Variants in SEL1L2 observed in about 807,000 individuals in gnomAD.
SEL1L2 encodes protein sel-1 homolog 2.
In SEL1L2, 89 loss-of-function variants were observed where a neutral mutation model predicts 98.8. The ratio of observed to expected loss-of-function variants is 0.90; its 90% confidence interval spans 0.76 to 1.07. SEL1L2 has a LOEUF of 1.07. SEL1L2 is among the 50% of genes least tolerant of loss of function. The pLI is 0.00. For synonymous variants in SEL1L2, 262 were observed against 278.5 expected, an observed-to-expected ratio of 0.94 and a Z score of 0.59; for missense variants, 788 against 812.0, an observed-to-expected ratio of 0.97 and a Z score of 0.36.
At chr20:13,990,172 C>T (rs1041580471) in intron 1 of SEL1L2, among the ~76,000 whole-genome samples, 18 of 152,148 alleles carry the variant, frequency 1.2e-4, no homozygotes, top group Non-Finnish European at 2.6e-4. Context: ...TTTAATAACA[C>T]TTAACAACTT....
At chr20:13,973,427 TCC>T (rs1488858210) in intron 1 of SEL1L2, 9 of 152,220 alleles carry the variant, frequency 5.9e-5, no homozygotes, top group Admixed American at 3.3e-4. Flanking sequence ...AGTCCTAATG[TCC>T]TCGTGTTAGG....
At chr20:13,900,492 T>G (rs1384166170) in intron 5 of SEL1L2, among the ~76,000 whole-genome samples, 13 of 152,126 alleles carry the variant, frequency 8.5e-5, no homozygotes, top group Admixed American at 7.2e-4. Context: ...CTGGAGAAGC[T>G]CGGCCCCAGA....
intron 2 of SEL1L2, among the ~76,000 whole-genome samples, chr20:13,936,878 C>T (rs1444953599): frequency 6.6e-6 from 1 of 152,082 alleles, no homozygotes. Flanking sequence ...ATATTATTGC[C>T]CAACTCAAAC....
At chr20:13,886,193 G>C in intron 9 of SEL1L2, 95 bp downstream of exon 9, 1 of 842,632 alleles carries the variant, frequency 1.2e-6, no homozygotes, top group African/African-American at 1.7e-5. Context: ...TTCCTATTTA[G>C]GATGGGGCAT....
intron 1 of SEL1L2, among the ~76,000 whole-genome samples, chr20:13,977,490 A>T (rs1294078351): frequency 2.0e-5 from 3 of 152,084 alleles, no homozygotes; most frequent in Non-Finnish European, 4.4e-5. Context: ...TGATGGGGGG[A>T]TAGATCTTGG....
intron 17 of SEL1L2, among the ~76,000 whole-genome samples, chr20:13,863,698 G>A (rs192490649): frequency 4.0e-4 from 61 of 152,270 alleles, no homozygotes; most frequent in Admixed American, 6.5e-4. Flanking sequence ...CTGGGCGATG[G>A]TATAGGCTGA....
At chr20:13,871,327 G>T (rs572327792) in intron 12 of SEL1L2, among the ~76,000 whole-genome samples, 1 of 152,272 alleles carries the variant, frequency 6.6e-6, no homozygotes, top group East Asian at 1.9e-4. Flanking sequence ...CTAAGGAAGG[G>T]AGTATTTAGC....
At chr20:13,944,548 G>C (rs560325882) in intron 2 of SEL1L2, among the ~76,000 whole-genome samples, 1 of 152,266 alleles carries the variant, frequency 6.6e-6, no homozygotes, top group East Asian at 1.9e-4. Flanking sequence ...GAGATGTCAG[G>C]AAAGGAACAG....
upstream of SEL1L2, among the ~76,000 whole-genome samples, chr20:13,991,391 CA>C: frequency 6.6e-6 from 1 of 152,272 alleles, no homozygotes; most frequent in African/African-American, 2.4e-5. Flanking sequence ...TGGGTTAAAA[CA>C]ACAGGAATTT....
chr20:13,985,122 G>T (rs1458979527), intron 1 of SEL1L2, among the ~76,000 whole-genome samples: 1 of 151,808 alleles, frequency 6.6e-6, no homozygotes. Context: ...CTCACATCTA[G>T]TAGCTACTAT....
intron 5 of SEL1L2, among the ~76,000 whole-genome samples, chr20:13,902,641 T>C (rs1384266552): frequency 6.6e-6 from 1 of 152,220 alleles, no homozygotes; most frequent in Non-Finnish European, 1.5e-5. Context: ...TGTTTTAAGA[T>C]CATCTTGTAC....
chr20:13,877,442 AG>A, intron 11 of SEL1L2, 77 bp downstream of exon 11: 9 of 1,127,214 alleles, frequency 8.0e-6, no homozygotes, highest in Non-Finnish European at 1.2e-5. Flanking sequence ...CTGGGACAAC[AG>A]GCACACGCTG....
At chr20:13,908,803 A>G (rs537210133) in intron 5 of SEL1L2, among the ~76,000 whole-genome samples, 1 of 152,220 alleles carries the variant, frequency 6.6e-6, no homozygotes, top group African/African-American at 2.4e-5. Context: ...GATTTCCTTC[A>G]GTTTATTTGA....
intron 12 of SEL1L2, among the ~76,000 whole-genome samples, chr20:13,873,671 T>C (rs1313787137): frequency 1.3e-5 from 2 of 152,210 alleles, no homozygotes; most frequent in Non-Finnish European, 2.9e-5. Context: ...GTTTACTGAT[T>C]TTTAAAACAC....
Position 13,990,486 on chromosome 20 carries a change from T to C in SEL1L2, c.49A>G (p.Thr17Ala), listed in dbSNP as rs2052494780. The change falls in exon 1 of 20, where the codon ACA becomes GCA. Residue 17 changes from threonine to alanine, a missense_variant. Thr to Ala is a moderately conservative substitution (Grantham distance 58). Transcript: ENST00000284951. Reference sequence around the variant, plus strand: ...GGACAAAAAAACTTACTTTTAATTGTGACCCCAAGAATTATCAATATCTCT... The same window carrying C: ...GGACAAAAAAACTTACTTTTAATTGCGACCCCAAGAATTATCAATATCTCT... ...LIEILIILGV[T>A]IKTIKAEEHN... 6.2e-7 allele frequency: 1 copy of C among 1,611,710 alleles called. No individual in the cohort carries two copies. Among genetic ancestry groups the C allele is most frequent in the South Asian group, 1.1e-5 (1 of 90,932 alleles).
chr20:13,911,908 CA>C (rs939063017), intron 5 of SEL1L2, among the ~76,000 whole-genome samples: 2 of 152,154 alleles, frequency 1.3e-5, no homozygotes, highest in Non-Finnish European at 2.9e-5. Context: ...ACTCCTCCCA[CA>C]TATCTTTTCT....
Position 13,987,666 on chromosome 20 carries a change from G to T in SEL1L2, c.58+2811C>A, listed in dbSNP as rs116629562. Reference sequence around the variant, plus strand: ...CCCGGCCGATAATTTCCTGTTTTTTGATTATAACCATCCTAGTGGGTGTGA... The same window carrying T: ...CCCGGCCGATAATTTCCTGTTTTTTTATTATAACCATCCTAGTGGGTGTGA... On this transcript the variant is annotated intron_variant, in intron 1 of 19. Transcript: ENST00000284951. 4.8e-3 allele frequency among the ~76,000 whole-genome samples: 731 copies of T among 152,102 alleles called. 5 individuals carry two copies. The highest frequency in any genetic ancestry group is 0.017 in the African/African-American group (687 of 41,492).
intron 17 of SEL1L2, among the ~76,000 whole-genome samples, chr20:13,861,484 T>C (rs1057408504): frequency 4.0e-5 from 6 of 151,836 alleles, no homozygotes; most frequent in African/African-American, 1.2e-4. Context: ...ATGTTATATA[T>C]AGTATATATG....
intron 1 of SEL1L2, among the ~76,000 whole-genome samples, chr20:13,980,481 T>C (rs2051760898): frequency 6.6e-6 from 1 of 152,070 alleles, no homozygotes. Context: ...GTGCTGGGAT[T>C]ACAGGTGTGA....
Sources: allele counts gnomAD v4.1 joint callset (sites outside exome capture counted in the v4.1 genomes callset), GRCh38; gene constraint gnomAD v4.1.1; transcripts MANE v1.5; gene names NCBI Gene and HGNC (gene_info 2026-07-23, HGNC 2026-07-21).